CSMD3: variants seen among roughly 807,000 people sequenced by gnomAD.
CSMD3 encodes the protein CUB and Sushi multiple domains 3.
CSMD3 carries 177 observed loss-of-function variants against 435.2 expected under a neutral mutation model. The observed-to-expected ratio is 0.41, with a 90% CI of 0.36 to 0.46. CSMD3 has a LOEUF of 0.46. CSMD3 is among the 20% of genes least tolerant of loss of function. The probability of loss-of-function intolerance (pLI) is 0.34; values close to 1 mark genes in which losing one functional copy is unlikely to be tolerated. For synonymous variants in CSMD3, 1,656 were observed against 1,520.5 expected, an observed-to-expected ratio of 1.09 and a Z score of -2.07; for missense variants, 4,265 against 4,504.6, an observed-to-expected ratio of 0.95 and a Z score of 1.52.
intron 48 of CSMD3, 72 bp downstream of exon 48, chr8:112,314,357 C>G (rs1450406580): frequency 8.7e-7 from 1 of 1,150,130 alleles, no homozygotes; most frequent in Non-Finnish European, 1.3e-6. Context: ...TGTTTATACT[C>G]AAAGTTTACA....
At chr8:113,312,978 T>C (rs2093881496) in intron 2 of CSMD3, 1 of 152,206 alleles carries the variant, frequency 6.6e-6, no homozygotes, top group East Asian at 1.9e-4. Flanking sequence ...GTAATCAACC[T>C]AGTAACCTTG....
At chr8:113,107,966 A>G (rs1261348556) in intron 4 of CSMD3, among the ~76,000 whole-genome samples, 1 of 152,224 alleles carries the variant, frequency 6.6e-6, no homozygotes, top group Non-Finnish European at 1.5e-5. Context: ...GAATATAAGT[A>G]TTTAAATTGA....
At chr8:112,527,344 T>C (rs1393060859) in intron 27 of CSMD3, among the ~76,000 whole-genome samples, 2 of 151,652 alleles carry the variant, frequency 1.3e-5, no homozygotes, top group African/African-American at 2.4e-5. Context: ...ACAGATTTCA[T>C]ATCAATAAAA....
chr8:112,775,724 ACTT>A (rs961518953), intron 13 of CSMD3, among the ~76,000 whole-genome samples: 2 of 151,852 alleles, frequency 1.3e-5, no homozygotes, highest in African/African-American at 4.8e-5. Context: ...TACTTAACCC[ACTT>A]TGCCAATCTA....
chr8:112,498,344 T>C (rs1400505589), intron 30 of CSMD3, among the ~76,000 whole-genome samples: 1 of 152,156 alleles, frequency 6.6e-6, no homozygotes, highest in Non-Finnish European at 1.5e-5. Flanking sequence ...ACATTTGTAG[T>C]TCTTTATCTA....
intron 5 of CSMD3, among the ~76,000 whole-genome samples, chr8:113,034,313 G>A (rs2087248214): frequency 6.6e-6 from 1 of 151,476 alleles, no homozygotes; most frequent in African/African-American, 2.4e-5. Context: ...TTCATCAACT[G>A]ATGAATGTAT....
At chr8:112,351,493 G>A (rs544749083) in intron 39 of CSMD3, among the ~76,000 whole-genome samples, 7 of 151,804 alleles carry the variant, frequency 4.6e-5, no homozygotes, top group South Asian at 2.1e-4. Flanking sequence ...TTAGAATTGC[G>A]GTTTTAATAT....
intron 30 of CSMD3, among the ~76,000 whole-genome samples, chr8:112,499,439 T>C (rs1176056553): frequency 1.3e-5 from 2 of 152,154 alleles, no homozygotes; most frequent in East Asian, 3.9e-4. Context: ...TTTAACAATA[T>C]AATTAGGGAG....
chr8:113,186,129 T>C (rs1409625498), intron 3 of CSMD3, among the ~76,000 whole-genome samples: 1 of 151,996 alleles, frequency 6.6e-6, no homozygotes, highest in Non-Finnish European at 1.5e-5. Context: ...TCAATTCCAG[T>C]CACCTTCCAT....
chr8:112,869,918 A>G (rs2081084083), intron 10 of CSMD3, among the ~76,000 whole-genome samples: 1 of 152,100 alleles, frequency 6.6e-6, no homozygotes, highest in Non-Finnish European at 1.5e-5. Context: ...ATTAGGACAA[A>G]TACATAATGT....
At chr8:113,258,273 C>G (rs1241668617) in intron 3 of CSMD3, among the ~76,000 whole-genome samples, 1 of 152,104 alleles carries the variant, frequency 6.6e-6, no homozygotes. Flanking sequence ...GCCATTTTTA[C>G]TAGTAGAACG....
intron 3 of CSMD3, among the ~76,000 whole-genome samples, chr8:113,222,095 T>A (rs2092974156): frequency 6.6e-6 from 1 of 151,292 alleles, no homozygotes; most frequent in Non-Finnish European, 1.5e-5. Flanking sequence ...ATGTAGATGA[T>A]GACAAAAGGA....
intron 59 of CSMD3, among the ~76,000 whole-genome samples, chr8:112,280,338 G>A (rs1818503991): frequency 6.6e-6 from 1 of 151,820 alleles, no homozygotes; most frequent in Non-Finnish European, 1.5e-5. Flanking sequence ...TGTTACATTC[G>A]GAGTTCACTA....
chr8:112,746,213 G>A (rs1290412761), intron 13 of CSMD3, among the ~76,000 whole-genome samples: 1 of 152,190 alleles, frequency 6.6e-6, no homozygotes, highest in Non-Finnish European at 1.5e-5. Flanking sequence ...AAGTAAGACT[G>A]TAGAGATAGG....
chr8:112,675,958 T>C (rs1039737394), intron 16 of CSMD3, among the ~76,000 whole-genome samples: 6 of 152,230 alleles, frequency 3.9e-5, no homozygotes, highest in African/African-American at 1.4e-4. Flanking sequence ...GTTTTTCTGA[T>C]GCATTATCTA....
At chr8:113,178,533 C>T (rs984354174) in intron 3 of CSMD3, among the ~76,000 whole-genome samples, 6 of 151,674 alleles carry the variant, frequency 4.0e-5, no homozygotes, top group South Asian at 2.1e-4. Flanking sequence ...AATTGTATTG[C>T]GACATGTGGC....
chr8:113,026,712 G>A (rs1174745041), intron 5 of CSMD3, among the ~76,000 whole-genome samples: 1 of 152,144 alleles, frequency 6.6e-6, no homozygotes, highest in Non-Finnish European at 1.5e-5. Context: ...CTCTTTATAA[G>A]TTAGGTCAAT....
chr8:112,895,611 G>C (rs568897084), intron 10 of CSMD3, among the ~76,000 whole-genome samples: 1 of 151,594 alleles, frequency 6.6e-6, no homozygotes, highest in South Asian at 2.1e-4. Context: ...AATGGGATTG[G>C]TGCTGAGCGA....
At chr8:113,091,094 G>A (rs4876509) in intron 5 of CSMD3, among the ~76,000 whole-genome samples, 70,895 of 151,664 alleles carry the variant, frequency 0.47, 18,785 homozygotes, top group East Asian at 0.87. Context: ...CTCTTGGCTA[G>A]GACTAAGTAA....
Sources: allele counts gnomAD v4.1 joint callset (sites outside exome capture counted in the v4.1 genomes callset), GRCh38; gene constraint gnomAD v4.1.1; transcripts MANE v1.5; gene names NCBI Gene and HGNC (gene_info 2026-07-23, HGNC 2026-07-21).